NLGN4Y: variants seen among roughly 807,000 people sequenced by gnomAD.
NLGN4Y encodes neuroligin 4 Y-linked.
A neutral mutation model predicts 8.4 loss-of-function variants in NLGN4Y; 4 were observed. That is an observed-to-expected ratio of 0.48 (90% CI 0.23 to 1.09). The LOEUF (loss-of-function observed/expected upper bound fraction) is 1.09. Ranked by LOEUF, NLGN4Y falls within the 50% of genes least tolerant of loss-of-function variation. The probability of loss-of-function intolerance (pLI) is 0.19; values close to 1 mark genes in which losing one functional copy is unlikely to be tolerated. For missense variants in NLGN4Y, 90 were observed against 192.3 expected (o/e 0.47, Z 3.15); for synonymous variants, 35 against 75.6 (o/e 0.46, Z 2.78).
chrY:14,545,724 G>C (rs755797030), intron 1 of NLGN4Y, among the ~76,000 whole-genome samples: 7 of 33,163 alleles, frequency 2.1e-4, no homozygotes, highest in African/African-American at 8.2e-4. Flanking sequence ...CTCCCATTTT[G>C]TAGGTTGCCT....
At chrY:14,667,270 TG>T (rs2080695145) in intron 2 of NLGN4Y, among the ~76,000 whole-genome samples, 1 of 32,736 alleles carries the variant, frequency 3.1e-5, no homozygotes, top group African/African-American at 1.2e-4. Flanking sequence ...AATTTTAATT[TG>T]TGTACACCTA....
At chrY:14,692,838 C>A (rs767124015) in intron 2 of NLGN4Y, among the ~76,000 whole-genome samples, 1 of 33,413 alleles carries the variant, frequency 3.0e-5, no homozygotes, top group South Asian at 6.6e-4. Context: ...AGTCACTTCC[C>A]AGGAGCTAAG....
At chrY:14,615,522 T>G in intron 1 of NLGN4Y, among the ~76,000 whole-genome samples, 1 of 33,527 alleles carries the variant, frequency 3.0e-5, no homozygotes, top group Non-Finnish European at 7.4e-5. Context: ...CTTCCAGTTT[T>G]TGCCCATTCA....
At chrY:14,734,302 G>A in intron 4 of NLGN4Y, among the ~76,000 whole-genome samples, 2 of 33,107 alleles carry the variant, frequency 6.0e-5, no homozygotes, top group African/African-American at 2.4e-4. Flanking sequence ...AGTTTTTATG[G>A]GCACCAAATG....
chrY:14,704,485 C>T, intron 2 of NLGN4Y, among the ~76,000 whole-genome samples: 1 of 33,275 alleles, frequency 3.0e-5, no homozygotes, highest in Non-Finnish European at 7.4e-5. Flanking sequence ...TATATAGAAC[C>T]AGGCTTGCAT....
intron 4 of NLGN4Y, among the ~76,000 whole-genome samples, chrY:14,739,599 C>T: frequency 3.0e-5 from 1 of 32,936 alleles, no homozygotes; most frequent in Admixed American, 2.8e-4. Context: ...AAAGAAACAA[C>T]AGTCACTGAT....
intron 4 of NLGN4Y, among the ~76,000 whole-genome samples, chrY:14,747,480 T>G: frequency 3.0e-5 from 1 of 33,282 alleles, no homozygotes; most frequent in South Asian, 6.9e-4. Flanking sequence ...TTGTACACCC[T>G]GCAGAACTGT....
intron 1 of NLGN4Y, among the ~76,000 whole-genome samples, chrY:14,591,334 A>C: frequency 3.0e-5 from 1 of 33,052 alleles, no homozygotes. Flanking sequence ...TCCAGTGAGC[A>C]GCTGGAAAGG....
intron 2 of NLGN4Y, among the ~76,000 whole-genome samples, chrY:14,660,266 G>A (rs1032379007): frequency 8.9e-5 from 3 of 33,598 alleles, no homozygotes; most frequent in African/African-American, 3.5e-4. Flanking sequence ...GAGATGAGCA[G>A]GGATTGACCA....
chrY:14,770,921 T>C, intron 4 of NLGN4Y, among the ~76,000 whole-genome samples: 1 of 32,839 alleles, frequency 3.0e-5, no homozygotes, highest in Non-Finnish European at 7.5e-5. Context: ...CAAGTGTCAA[T>C]AGCCAAATTG....
At chrY:14,778,167 G>T (rs768798582) in intron 4 of NLGN4Y, among the ~76,000 whole-genome samples, 1 of 33,247 alleles carries the variant, frequency 3.0e-5, no homozygotes, top group Admixed American at 2.8e-4. Flanking sequence ...TCAGAAAATT[G>T]AGGGGAAAAT....
chrY:14,703,265 G>T (rs2080861634), intron 2 of NLGN4Y, among the ~76,000 whole-genome samples: 1 of 33,146 alleles, frequency 3.0e-5, no homozygotes, highest in Non-Finnish European at 7.4e-5. Flanking sequence ...ATATTGCCTA[G>T]GTTTTCTTCT....
chrY:14,626,666 C>T, intron 2 of NLGN4Y, among the ~76,000 whole-genome samples: 3 of 33,590 alleles, frequency 8.9e-5, no homozygotes, highest in African/African-American at 3.5e-4. Flanking sequence ...TGCTTCCATT[C>T]CCTTATCTGG....
intron 2 of NLGN4Y, among the ~76,000 whole-genome samples, chrY:14,632,297 G>C: frequency 3.0e-5 from 1 of 33,591 alleles, no homozygotes; most frequent in African/African-American, 1.2e-4. Flanking sequence ...TTCAGGAAAA[G>C]TAACACTTTT....
intron 2 of NLGN4Y, chrY:14,639,878 T>A: frequency 8.9e-6 from 1 of 112,837 alleles, no homozygotes; most frequent in Non-Finnish European, 1.9e-5. Flanking sequence ...CAGAGAGATC[T>A]CCCAGTGAAC....
intron 4 of NLGN4Y, chrY:14,798,573 C>T: frequency 6.1e-5 from 2 of 32,912 alleles, no homozygotes. Context: ...CTATATTTAC[C>T]AAGTTATCTT....
chrY:14,794,387 A>G, intron 4 of NLGN4Y, among the ~76,000 whole-genome samples: 1 of 33,844 alleles, frequency 3.0e-5, no homozygotes, highest in East Asian at 7.7e-4. Context: ...AACCTAAAGA[A>G]TATATTGTCA....
At chrY:14,607,403 G>T in intron 1 of NLGN4Y, among the ~76,000 whole-genome samples, 1 of 32,153 alleles carries the variant, frequency 3.1e-5, no homozygotes. Context: ...AGAAGCCCCG[G>T]TGTGTGATGT....
chrY:14,791,514 C>A, intron 4 of NLGN4Y, among the ~76,000 whole-genome samples: 1 of 33,204 alleles, frequency 3.0e-5, no homozygotes, highest in Non-Finnish European at 7.4e-5. Context: ...TAATCCTGAC[C>A]TTTGACCATT....
Sources: allele counts gnomAD v4.1 joint callset (sites outside exome capture counted in the v4.1 genomes callset), GRCh38; gene constraint gnomAD v4.1.1; transcripts MANE v1.5; gene names NCBI Gene and HGNC (gene_info 2026-07-23, HGNC 2026-07-21).